The following KCNIP4 variants were observed in gnomAD, a reference collection of about 807,000 sequenced individuals.
The protein encoded by KCNIP4 is potassium voltage-gated channel interacting protein 4, also known as Kv channel-interacting protein 4.
Under a neutral mutation model 34.0 loss-of-function variants are expected in KCNIP4, and 12 were observed. That is an observed-to-expected ratio of 0.35 (90% CI 0.23 to 0.57). The LOEUF (loss-of-function observed/expected upper bound fraction) is 0.57, where lower values mean the gene tolerates loss of function less well. Among genes scored for constraint, KCNIP4 ranks in the 20% least tolerant of loss-of-function variants. KCNIP4 has a pLI of 0.83. For synonymous variants in KCNIP4, 124 were observed against 102.2 expected (o/e 1.21, Z -1.29); for missense variants, 238 against 311.7 (o/e 0.76, Z 1.78).
Position 21,052,100 on chromosome 4 carries a change from T to G in KCNIP4, c.62-169391A>C, listed in dbSNP as rs560532564. ...TGTTTTTTCTAACTTTGTCCCTTGT[T>G]TTTTGTCTGTTCCTATCCTAGTATA... On this transcript the variant is annotated intron_variant, in intron 1 of 8. Coordinates refer to ENST00000382152, the MANE Select transcript of KCNIP4 (RefSeq NM_025221.6). Among the ~76,000 whole-genome samples the G allele has an allele frequency of 2.7e-4, 41 of 152,312 alleles. 1 individual carries two copies. Among genetic ancestry groups the G allele is most frequent in the Admixed American group, 9.2e-4 (14 of 15,294 alleles).
chr4:21,115,029 T>A (rs1382003600), intron 1 of KCNIP4, among the ~76,000 whole-genome samples: 1 of 152,208 alleles, frequency 6.6e-6, no homozygotes, highest in Non-Finnish European at 1.5e-5. Flanking sequence ...TCACCAGTCA[T>A]CCACATGGGT....
intron 1 of KCNIP4, among the ~76,000 whole-genome samples, chr4:21,382,103 A>G (rs1281595351): frequency 6.6e-6 from 1 of 152,204 alleles, no homozygotes; most frequent in Non-Finnish European, 1.5e-5. Flanking sequence ...GTGGGAATGG[A>G]TGGACGAACA....
chr4:20,994,623 T>C (rs1737379610), intron 1 of KCNIP4, among the ~76,000 whole-genome samples: 1 of 152,208 alleles, frequency 6.6e-6, no homozygotes, highest in Admixed American at 6.5e-5. Context: ...GTTACAGGGA[T>C]AGAACCCTAC....
intron 4 of KCNIP4, among the ~76,000 whole-genome samples, chr4:20,754,599 A>G (rs1754186292): frequency 6.6e-6 from 1 of 152,186 alleles, no homozygotes; most frequent in Admixed American, 6.5e-5. Flanking sequence ...TCTTTAAAAT[A>G]TTTCATTTCC....
chr4:21,486,009 G>A (rs891979683), intron 1 of KCNIP4, among the ~76,000 whole-genome samples: 1 of 152,156 alleles, frequency 6.6e-6, no homozygotes, highest in African/African-American at 2.4e-5. Context: ...TGCAGCATAG[G>A]AAGGAAGCTC....
In KCNIP4 at chr4:21,948,762, G is replaced by C. The variant is rs1457434406; in HGVS notation, c.-131C>G. The C allele has an allele frequency of 1.7e-6, 2 of 1,158,210 alleles. No homozygotes were observed. Among genetic ancestry groups the C allele is most frequent in the Non-Finnish European group, 2.1e-6 (2 of 930,482 alleles). The allele number at this position is 1,158,210 out of a possible 1,614,324, so 71.7% of individuals were successfully genotyped here. On this transcript the variant is annotated 5_prime_UTR_variant, in exon 1 of 9. Transcript: ENST00000382152. ...CGTGGCGCTGGGAGCGAGAGCTTCG[G>C]CGGCGGCTGCGGGCAGGGCGCGCGG...
intron 1 of KCNIP4, among the ~76,000 whole-genome samples, chr4:21,710,363 C>T (rs79338779): frequency 0.017 from 2,645 of 152,244 alleles, 77 homozygotes; most frequent in African/African-American, 0.052. Flanking sequence ...ATATTCAGGA[C>T]CCTGCCATCG....
chr4:21,682,293 C>A (rs1342651448), intron 1 of KCNIP4, among the ~76,000 whole-genome samples: 2 of 152,124 alleles, frequency 1.3e-5, no homozygotes, highest in African/African-American at 4.8e-5. Flanking sequence ...GAGAAATCCA[C>A]CCCATAATCC....
At chr4:21,175,146 A>G (rs1754310990) in intron 1 of KCNIP4, among the ~76,000 whole-genome samples, 1 of 152,118 alleles carries the variant, frequency 6.6e-6, no homozygotes, top group Non-Finnish European at 1.5e-5. Flanking sequence ...CTTAAAAAAA[A>G]AAACTCTGCA....
chr4:20,972,208 T>A (rs968846143), intron 1 of KCNIP4, among the ~76,000 whole-genome samples: 4 of 152,222 alleles, frequency 2.6e-5, no homozygotes, highest in Non-Finnish European at 5.9e-5. Flanking sequence ...CCTGTTAGTG[T>A]TATTTTAACC....
At chr4:21,128,318 G>T (rs1053291529) in intron 1 of KCNIP4, among the ~76,000 whole-genome samples, 2 of 152,158 alleles carry the variant, frequency 1.3e-5, no homozygotes, top group South Asian at 2.1e-4. Context: ...TGATTAAAAC[G>T]TTTTGTCAAA....
chr4:21,798,591 A>AGAAAGAAAGAAAGAAAG, intron 1 of KCNIP4, among the ~76,000 whole-genome samples: 1 of 150,742 alleles, frequency 6.6e-6, no homozygotes. Context: ...AGAAAGAGAA[A>AGAAAGAAAGAAAGAAAG]AAATGCAAAG....
chr4:21,702,920 A>G (rs1159885869), intron 1 of KCNIP4, among the ~76,000 whole-genome samples: 1 of 152,096 alleles, frequency 6.6e-6, no homozygotes, highest in Non-Finnish European at 1.5e-5. Context: ...GGTAGAGTTC[A>G]TTCCAGGGAT....
intron 1 of KCNIP4, among the ~76,000 whole-genome samples, chr4:21,834,715 T>C (rs1723210047): frequency 6.6e-6 from 1 of 151,836 alleles, no homozygotes; most frequent in African/African-American, 2.4e-5. Context: ...TTCAGTATGA[T>C]ATTGGCTGTG....
chr4:21,522,603 T>C (rs1413653481), intron 1 of KCNIP4, among the ~76,000 whole-genome samples: 1 of 152,062 alleles, frequency 6.6e-6, no homozygotes, highest in Non-Finnish European at 1.5e-5. Context: ...TGCAAACTGC[T>C]CCTCAAATGC....
At chr4:21,099,783 G>A (rs77453842) in intron 1 of KCNIP4, among the ~76,000 whole-genome samples, 21,718 of 152,066 alleles carry the variant, frequency 0.14, 1,762 homozygotes, top group East Asian at 0.23. Flanking sequence ...CATGGGAGAA[G>A]GTCAAAATAA....
rs1009204083 is a variant in KCNIP4, at chr4:20,882,542, C to T, written c.163+66G>A. On this transcript the variant is annotated intron_variant, in intron 2 of 8. Transcript: ENST00000382152. ...TGATTCTTTGTAGAGAACGGCAATG[C>T]ATGCAGGCCTAAAGAAACGAAACAA... 61 of 1,048,850 alleles carry T rather than the reference C, an allele frequency of 5.8e-5. 1 individual carries two copies. The highest frequency in any genetic ancestry group is 1.7e-4 in the South Asian group (13 of 76,502). 65.0% of individuals were successfully genotyped at this position (1,048,850 alleles called of 1,614,324 possible).
At chr4:20,796,900 C>G (rs1208967836) in intron 3 of KCNIP4, among the ~76,000 whole-genome samples, 2 of 152,128 alleles carry the variant, frequency 1.3e-5, no homozygotes. Flanking sequence ...CAGTGCAGAT[C>G]AAAATTCTAA....
intron 1 of KCNIP4, among the ~76,000 whole-genome samples, chr4:21,801,298 C>T (rs930600686): frequency 4.6e-5 from 7 of 152,134 alleles, no homozygotes; most frequent in Non-Finnish European, 7.4e-5. Flanking sequence ...GATAAATGTG[C>T]TGCAGTAGAC....
Sources: allele counts gnomAD v4.1 joint callset (sites outside exome capture counted in the v4.1 genomes callset), GRCh38; gene constraint gnomAD v4.1.1; transcripts MANE v1.5; gene names NCBI Gene and HGNC (gene_info 2026-07-23, HGNC 2026-07-21).